CIRSR: variants seen among roughly 807,000 people sequenced by gnomAD.
CIRSR encodes the protein corepressor of RBPJ and splicing regulator.
the CIRSR span, among the ~76,000 whole-genome samples, chr2:174,372,146 A>G: frequency 6.6e-6 from 1 of 152,234 alleles, no homozygotes; most frequent in Non-Finnish European, 1.5e-5. Context: ...CTAAATTTTA[A>G]GTCAAACTTT....
At chr2:174,359,334 TAAAA>T in the CIRSR span, among the ~76,000 whole-genome samples, 27 of 136,750 alleles carry the variant, frequency 2.0e-4, no homozygotes, top group East Asian at 1.9e-3. Context: ...GCATTTTACT[TAAAA>T]AAAAAAAAAA....
At chr2:174,391,019 A>G in the CIRSR span, among the ~76,000 whole-genome samples, 5 of 152,220 alleles carry the variant, frequency 3.3e-5, no homozygotes, top group African/African-American at 1.2e-4. Context: ...ATACAAGACT[A>G]ATATGGATCA....
chr2:174,366,915 A>G, the CIRSR span, among the ~76,000 whole-genome samples: 2 of 152,214 alleles, frequency 1.3e-5, no homozygotes, highest in African/African-American at 4.8e-5. Flanking sequence ...CATACATACA[A>G]AAGTGGTTCT....
the CIRSR span, chr2:174,380,308 A>G: frequency 1.6e-6 from 2 of 1,251,942 alleles, no homozygotes; most frequent in Non-Finnish European, 2.2e-6. Context: ...AAAATTAAAC[A>G]GCAGTTAATC....
the CIRSR span, among the ~76,000 whole-genome samples, chr2:174,361,155 G>A: frequency 6.6e-6 from 1 of 152,166 alleles, no homozygotes; most frequent in South Asian, 2.1e-4. Flanking sequence ...TTTGAGGTCA[G>A]TTCTTTATTT....
chr2:174,378,390 T>C, the CIRSR span, among the ~76,000 whole-genome samples: 11 of 152,230 alleles, frequency 7.2e-5, no homozygotes, highest in Non-Finnish European at 1.6e-4. Context: ...AAGTTAAAAC[T>C]TCTCAGTTTA....
chr2:174,386,974 G>A, the CIRSR span, among the ~76,000 whole-genome samples: 2 of 152,120 alleles, frequency 1.3e-5, no homozygotes, highest in African/African-American at 2.4e-5. Flanking sequence ...TTATTGCCAT[G>A]CATGGAGTAC....
chr2:174,380,473 AAAAC>A, the CIRSR span, among the ~76,000 whole-genome samples: 1 of 152,010 alleles, frequency 6.6e-6, no homozygotes, highest in Admixed American at 6.5e-5. Flanking sequence ...AAAAGTATAT[AAAAC>A]AAAAGACTAT....
the CIRSR span, among the ~76,000 whole-genome samples, chr2:174,391,962 A>G: frequency 6.6e-6 from 1 of 152,126 alleles, no homozygotes; most frequent in Non-Finnish European, 1.5e-5. Context: ...GGAGAGAGGG[A>G]GAAGAGTTAA....
chr2:174,379,116 T>A, the CIRSR span: 1 of 1,022,202 alleles, frequency 9.8e-7, no homozygotes, highest in South Asian at 1.3e-5. Flanking sequence ...TATTCCTTGA[T>A]AGAATTTAAG....
chr2:174,374,342 C>G, the CIRSR span, among the ~76,000 whole-genome samples: 4 of 152,168 alleles, frequency 2.6e-5, no homozygotes, highest in Non-Finnish European at 5.9e-5. Context: ...TAAATAGAGC[C>G]TTACGTAATA....
At chr2:174,351,220 T>A in the CIRSR span, among the ~76,000 whole-genome samples, 1 of 152,348 alleles carries the variant, frequency 6.6e-6, no homozygotes, top group East Asian at 1.9e-4. Context: ...TCAATCATTT[T>A]CTGGATCTAT....
the CIRSR span, among the ~76,000 whole-genome samples, chr2:174,378,285 G>A: frequency 6.6e-6 from 1 of 152,124 alleles, no homozygotes; most frequent in East Asian, 1.9e-4. Context: ...AAGGTTACAG[G>A]ATTAAACAGA....
chr2:174,383,364 C>T, the CIRSR span, among the ~76,000 whole-genome samples: 1 of 133,686 alleles, frequency 7.5e-6, no homozygotes, highest in African/African-American at 2.5e-5. Flanking sequence ...TCTAAATATA[C>T]TTAAAAACAA....
At chr2:174,389,524 T>A in the CIRSR span, among the ~76,000 whole-genome samples, 5 of 152,060 alleles carry the variant, frequency 3.3e-5, no homozygotes, top group Non-Finnish European at 7.4e-5. Flanking sequence ...AAGCACAGCA[T>A]AAAATTCTGG....
chr2:174,349,019 A>G, the CIRSR span: 2 of 1,598,248 alleles, frequency 1.3e-6, no homozygotes, highest in Non-Finnish European at 1.7e-6. Flanking sequence ...CACTCTCACT[A>G]CTGCTTTCTG....
the CIRSR span, among the ~76,000 whole-genome samples, chr2:174,372,791 A>C: frequency 1.3e-5 from 2 of 152,166 alleles, no homozygotes; most frequent in Non-Finnish European, 1.5e-5. Context: ...AGTGTTGTCC[A>C]GGCTGGTCTC....
At chr2:174,369,627 C>T in the CIRSR span, among the ~76,000 whole-genome samples, 2 of 152,170 alleles carry the variant, frequency 1.3e-5, no homozygotes, top group Non-Finnish European at 2.9e-5. Context: ...TTCTTCCTTT[C>T]ATTTGAACAC....
At chr2:174,383,520 G>C in the CIRSR span, among the ~76,000 whole-genome samples, 1 of 152,000 alleles carries the variant, frequency 6.6e-6, no homozygotes. Context: ...AGGAGTTCGA[G>C]ACCAGCTTGG....
Sources: allele counts gnomAD v4.1 joint callset (sites outside exome capture counted in the v4.1 genomes callset), GRCh38; gene constraint gnomAD v4.1.1; transcripts MANE v1.5; gene names NCBI Gene and HGNC (gene_info 2026-07-23, HGNC 2026-07-21).